The following PPM1L variants were observed in gnomAD, a reference collection of about 807,000 sequenced individuals.
The protein encoded by PPM1L is protein phosphatase 1L.
A neutral mutation model predicts 31.4 loss-of-function variants in PPM1L; 13 were observed. That is an observed-to-expected ratio of 0.41 (90% CI 0.27 to 0.66). PPM1L has a LOEUF of 0.66. Ranked by LOEUF, PPM1L falls within the 30% of genes least tolerant of loss-of-function variation. The pLI, the probability that PPM1L is intolerant of heterozygous loss-of-function variation, is 0.29. For synonymous variants in PPM1L, 184 were observed against 175.4 expected, an observed-to-expected ratio of 1.05 and a Z score of -0.39; for missense variants, 326 against 453.7, an observed-to-expected ratio of 0.72 and a Z score of 2.56.
chr3:161,023,762 GT>G (rs1405175210), intron 2 of PPM1L, among the ~76,000 whole-genome samples: 12 of 152,130 alleles, frequency 7.9e-5, no homozygotes, highest in African/African-American at 2.9e-4. Flanking sequence ...TCTACTATTA[GT>G]TTTTTATCCC....
chr3:160,969,746 CAG>C (rs1163683530), intron 2 of PPM1L, among the ~76,000 whole-genome samples: 1 of 152,184 alleles, frequency 6.6e-6, no homozygotes, highest in Non-Finnish European at 1.5e-5. Flanking sequence ...AAGACAAAAA[CAG>C]AGACCCAAAA....
chr3:160,799,232 C>T (rs150128051), intron 1 of PPM1L, among the ~76,000 whole-genome samples: 1 of 152,304 alleles, frequency 6.6e-6, no homozygotes, highest in African/African-American at 2.4e-5. Context: ...GGACTGACTC[C>T]AATTTTTAAA....
intron 2 of PPM1L, among the ~76,000 whole-genome samples, chr3:161,038,550 C>G (rs1397305980): frequency 7.1e-6 from 1 of 140,460 alleles, no homozygotes; most frequent in African/African-American, 2.7e-5. Flanking sequence ...AAGAGATCCT[C>G]TTGCCTTGGC....
rs1028273126 is a variant in PPM1L at position 161,059,453 on chromosome 3, T to G, written c.575-5950T>G. 3.7e-4 allele frequency among the ~76,000 whole-genome samples: 56 copies of G among 152,192 alleles called. 1 individual carries two copies. Among genetic ancestry groups the G allele is most frequent in the Admixed American group, 3.3e-3 (51 of 15,280 alleles). ...TTATGGCAATAGCTGGACAATGGTG[T>G]TGTCCATTGTGTACTGAACTGGGCT... On this transcript the variant is annotated intron_variant, in intron 2 of 3. Coordinates refer to ENST00000498165, the MANE Select transcript of PPM1L (RefSeq NM_139245.4).
intron 2 of PPM1L, among the ~76,000 whole-genome samples, chr3:161,052,453 T>C (rs1032782659): frequency 1.3e-5 from 2 of 152,240 alleles, no homozygotes; most frequent in Non-Finnish European, 2.9e-5. Context: ...CCTTGGTTGA[T>C]AGATTTGTAA....
intron 2 of PPM1L, among the ~76,000 whole-genome samples, chr3:161,016,419 C>G (rs958225097): frequency 1.3e-5 from 2 of 152,104 alleles, no homozygotes; most frequent in African/African-American, 2.4e-5. Context: ...AATTGTCTCT[C>G]AGATTTCTAA....
intron 1 of PPM1L, among the ~76,000 whole-genome samples, chr3:160,885,201 C>G (rs1263567954): frequency 2.0e-5 from 3 of 152,150 alleles, no homozygotes; most frequent in Non-Finnish European, 2.9e-5. Context: ...ACAATTAAGG[C>G]CCACTCTCTA....
chr3:160,896,531 G>T (rs1373583079), intron 1 of PPM1L, among the ~76,000 whole-genome samples: 1 of 152,136 alleles, frequency 6.6e-6, no homozygotes, highest in Non-Finnish European at 1.5e-5. Flanking sequence ...AGATAAAAAT[G>T]TGTTGCCTTA....
chr3:160,803,999 G>C (rs1226260011), intron 1 of PPM1L, among the ~76,000 whole-genome samples: 2 of 152,138 alleles, frequency 1.3e-5, no homozygotes, highest in African/African-American at 4.8e-5. Context: ...CTCACTGCAA[G>C]CTGCGCCTCC....
intron 2 of PPM1L, among the ~76,000 whole-genome samples, chr3:161,064,453 G>T (rs898577394): frequency 6.6e-6 from 1 of 152,088 alleles, no homozygotes; most frequent in Non-Finnish European, 1.5e-5. Flanking sequence ...TCTTGTTATA[G>T]AATATGACCT....
chr3:160,931,076 A>G (rs1714770272), intron 1 of PPM1L, among the ~76,000 whole-genome samples: 1 of 152,214 alleles, frequency 6.6e-6, no homozygotes. Context: ...ATGCTCTTCT[A>G]ACTAAATGTA....
At chr3:160,821,221 A>G (rs1713192747) in intron 1 of PPM1L, among the ~76,000 whole-genome samples, 1 of 151,848 alleles carries the variant, frequency 6.6e-6, no homozygotes, top group African/African-American at 2.4e-5. Context: ...GAACTGGAAC[A>G]TATAATTATA....
chr3:160,768,378 G>A (rs1447803996), intron 1 of PPM1L, among the ~76,000 whole-genome samples: 1 of 152,016 alleles, frequency 6.6e-6, no homozygotes, highest in Non-Finnish European at 1.5e-5. Flanking sequence ...GGTCCCTCTG[G>A]TTTAAGACTA....
intron 1 of PPM1L, among the ~76,000 whole-genome samples, chr3:160,879,952 T>C (rs997539269): frequency 6.6e-6 from 1 of 152,178 alleles, no homozygotes; most frequent in Non-Finnish European, 1.5e-5. Flanking sequence ...CCTTTCATCA[T>C]TCACCTGCTG....
At chr3:161,064,449 T>C (rs1719665803) in intron 2 of PPM1L, among the ~76,000 whole-genome samples, 1 of 152,206 alleles carries the variant, frequency 6.6e-6, no homozygotes, top group South Asian at 2.1e-4. Flanking sequence ...ACATTCTTGT[T>C]ATAGAATATG....
chr3:160,868,798 A>T (rs1259051643), intron 1 of PPM1L, among the ~76,000 whole-genome samples: 3 of 152,156 alleles, frequency 2.0e-5, no homozygotes, highest in Non-Finnish European at 4.4e-5. Flanking sequence ...AAACACATTT[A>T]ATATGACAGT....
At position 160,756,821 on chromosome 3, in the gene PPM1L, G is replaced by T; in HGVS notation, c.399+114G>T. ...CAACAGGACAGCGTGTGCGCAGCGGGAGAGGATCTGGGTGCGAGGGGCGTG... is the reference window on the plus strand; with the variant it reads ...CAACAGGACAGCGTGTGCGCAGCGGTAGAGGATCTGGGTGCGAGGGGCGTG... On this transcript the variant is annotated intron_variant, in intron 1 of 3. Coordinates refer to ENST00000498165, the MANE Select transcript of PPM1L (RefSeq NM_139245.4). The surrounding 1 kb of genome is among the most constrained non-coding windows in gnomAD (Gnocchi z 6.2). 8.3e-7 allele frequency: 1 copy of T among 1,199,610 alleles called. No homozygotes were observed. The allele number at this position is 1,199,610 out of a possible 1,614,324, so 74.3% of individuals were successfully genotyped here.
intron 1 of PPM1L, among the ~76,000 whole-genome samples, chr3:160,771,570 T>TAAAA (rs1164086246): frequency 1.4e-5 from 2 of 139,330 alleles, no homozygotes; most frequent in African/African-American, 5.5e-5. Context: ...TTTTTTTTTT[T>TAAAA]AAAAAGAGCA....
Position 160,944,803 on chromosome 3 carries a change from A to ATATTATATATGT in PPM1L, c.400-16930_400-16929insTATATATGTTAT, listed in dbSNP as rs1559896865. 5.6e-4 allele frequency among the ~76,000 whole-genome samples: 33 copies of ATATTATATATGT among 59,242 alleles called. 3 individuals carry two copies. Among genetic ancestry groups the ATATTATATATGT allele is most frequent in the African/African-American group, 1.7e-3 (31 of 17,938 alleles). The allele number at this position is 59,242 out of a possible 152,430, so 38.9% of individuals were successfully genotyped here. ...TTATATTATATATGTTATATATAAC[A>ATATTATATATGT]TATATAACATATATATGTTATATAT... is the stretch of plus-strand genomic sequence containing the variant. On this transcript the variant is annotated intron_variant, in intron 1 of 3. Coordinates refer to ENST00000498165, the MANE Select transcript of PPM1L (RefSeq NM_139245.4).
Sources: gnomAD v4.1 joint callset for allele counts (sites outside exome capture counted in the v4.1 genomes callset) on GRCh38, gnomAD v4.1.1 for gene constraint, Gnocchi (gnomAD v3.1) non-coding constraint, MANE v1.5 for transcripts, NCBI Gene and HGNC (gene_info 2026-07-23, HGNC 2026-07-21) for gene names.